XKR9: variants seen among roughly 807,000 people sequenced by gnomAD.
The protein encoded by XKR9 is XK related 9.
In XKR9, 32 loss-of-function variants were observed where a neutral mutation model predicts 32.0. That is an observed-to-expected ratio of 1.00 (90% CI 0.76 to 1.34). The LOEUF is 1.34. Among genes scored for constraint, XKR9 ranks in the 40% most tolerant of loss-of-function variants. The probability of loss-of-function intolerance (pLI) is 0.00; values close to 1 mark genes in which losing one functional copy is unlikely to be tolerated. For missense variants in XKR9, 546 were observed against 429.7 expected (o/e 1.27, Z -2.39); for synonymous variants, 168 against 143.4 (o/e 1.17, Z -1.22).
chr8:70,800,660 A>C, the XKR9 span, among the ~76,000 whole-genome samples: 1 of 151,900 alleles, frequency 6.6e-6, no homozygotes, highest in Admixed American at 6.6e-5. Context: ...TAATTTTTGT[A>C]TTTTTAGTAG....
At chr8:70,783,420 G>A (rs968091487) in intron 2 of XKR9, among the ~76,000 whole-genome samples, 2 of 152,002 alleles carry the variant, frequency 1.3e-5, no homozygotes, top group African/African-American at 4.8e-5. Flanking sequence ...TAGAGATGGG[G>A]TTTCACCGTG....
the XKR9 span, among the ~76,000 whole-genome samples, chr8:70,985,946 A>G: frequency 6.6e-6 from 1 of 152,180 alleles, no homozygotes; most frequent in African/African-American, 2.4e-5. Flanking sequence ...TTGTATTTAT[A>G]TCGAAGTCTA....
chr8:70,814,718 A>G, the XKR9 span, among the ~76,000 whole-genome samples: 820 of 152,340 alleles, frequency 5.4e-3, 1 homozygote, highest in Middle Eastern at 0.014. Flanking sequence ...CTGTTGTTCA[A>G]CATTGCTAGT....
the XKR9 span, among the ~76,000 whole-genome samples, chr8:70,841,938 T>C: frequency 2.6e-5 from 4 of 152,342 alleles, no homozygotes; most frequent in Non-Finnish European, 5.9e-5. Context: ...TGTAAATATC[T>C]GTTCCTCATC....
At chr8:70,871,663 G>A in the XKR9 span, among the ~76,000 whole-genome samples, 5 of 151,818 alleles carry the variant, frequency 3.3e-5, no homozygotes, top group Non-Finnish European at 7.4e-5. Context: ...CTTCTCCTTG[G>A]GCCTTCCTGT....
At chr8:71,029,033 C>T in the XKR9 span, among the ~76,000 whole-genome samples, 4 of 152,142 alleles carry the variant, frequency 2.6e-5, no homozygotes, top group Non-Finnish European at 4.4e-5. Flanking sequence ...CTCCTTCTGT[C>T]GTAATCCCTC....
the XKR9 span, among the ~76,000 whole-genome samples, chr8:70,945,696 T>G: frequency 6.6e-6 from 1 of 152,196 alleles, no homozygotes; most frequent in African/African-American, 2.4e-5. Flanking sequence ...AAGATGTCTG[T>G]GTAAACAAAC....
downstream of XKR9, among the ~76,000 whole-genome samples, chr8:70,739,608 G>A (rs531981019): frequency 2.2e-4 from 33 of 152,192 alleles, no homozygotes; most frequent in Non-Finnish European, 4.3e-4. Flanking sequence ...GCTGGTACCG[G>A]TTGTTCCTTT....
chr8:70,872,094 A>G, the XKR9 span, among the ~76,000 whole-genome samples: 1 of 152,234 alleles, frequency 6.6e-6, no homozygotes, highest in South Asian at 2.1e-4. Context: ...TGTGAATGCA[A>G]AGAAACTTCT....
chr8:70,929,571 C>G, the XKR9 span, among the ~76,000 whole-genome samples: 47,357 of 152,020 alleles, frequency 0.31, 8,846 homozygotes, highest in Non-Finnish European at 0.43. Flanking sequence ...TCCATCTAGG[C>G]TTATTTGGGT....
the XKR9 span, among the ~76,000 whole-genome samples, chr8:70,851,179 A>G: frequency 6.6e-6 from 1 of 152,208 alleles, no homozygotes; most frequent in African/African-American, 2.4e-5. Flanking sequence ...ACTCCCATTC[A>G]CAATTGCTAC....
the XKR9 span, among the ~76,000 whole-genome samples, chr8:70,826,644 C>T: frequency 1.2e-3 from 182 of 152,214 alleles, no homozygotes; most frequent in African/African-American, 4.1e-3. Context: ...TTCCCATATA[C>T]AGGAGATCTT....
At chr8:70,749,110 G>A (rs1453203948) in intron 2 of XKR9, among the ~76,000 whole-genome samples, 1 of 152,184 alleles carries the variant, frequency 6.6e-6, no homozygotes, top group Non-Finnish European at 1.5e-5. Context: ...CTACCCAAAG[G>A]AGTGACCCAC....
chr8:70,808,863 C>T, the XKR9 span, among the ~76,000 whole-genome samples: 2 of 152,222 alleles, frequency 1.3e-5, no homozygotes, highest in African/African-American at 4.8e-5. Flanking sequence ...GACTCCACCA[C>T]TGGGGGCAGG....
the XKR9 span, among the ~76,000 whole-genome samples, chr8:70,888,321 GTTGT>G: frequency 5.3e-5 from 8 of 151,412 alleles, no homozygotes; most frequent in South Asian, 1.3e-3. Context: ...TGGCTATTGC[GTTGT>G]TTGAGTTCCT....
intron 2 of XKR9, 73 bp downstream of exon 2, chr8:70,674,972 T>G (rs1412524538): frequency 6.6e-6 from 1 of 152,254 alleles, no homozygotes; most frequent in African/African-American, 2.4e-5. Flanking sequence ...TCTTTAAATA[T>G]CTGCTTTATC....
At chr8:70,739,782 G>T (rs574015445), downstream of XKR9, among the ~76,000 whole-genome samples, 158 of 152,288 alleles carry the variant, frequency 1.0e-3, 1 homozygote, top group Middle Eastern at 6.8e-3. Flanking sequence ...CTTTCAGAAT[G>T]TTGAATATTG....
At chr8:70,835,193 A>G in the XKR9 span, among the ~76,000 whole-genome samples, 2 of 152,130 alleles carry the variant, frequency 1.3e-5, no homozygotes, top group East Asian at 1.9e-4. Context: ...TAGCTCAGGA[A>G]ATGATCTTTC....
the XKR9 span, among the ~76,000 whole-genome samples, chr8:71,039,910 A>T: frequency 6.6e-6 from 1 of 152,160 alleles, no homozygotes; most frequent in Admixed American, 6.5e-5. Context: ...TTTGAAGACC[A>T]CCAGGAGTGC....
Sources: allele counts gnomAD v4.1 joint callset (sites outside exome capture counted in the v4.1 genomes callset), GRCh38; gene constraint gnomAD v4.1.1; transcripts MANE v1.5; gene names NCBI Gene and HGNC (gene_info 2026-07-23, HGNC 2026-07-21).